The following HECW2 variants were observed in gnomAD, a reference collection of about 807,000 sequenced individuals.
The protein encoded by HECW2 is E3 ubiquitin-protein ligase HECW2.
In HECW2, 61 loss-of-function variants were observed where a neutral mutation model predicts 175.2. That is an observed-to-expected ratio of 0.35 (90% CI 0.28 to 0.43). The LOEUF is 0.43. Among genes scored for constraint, HECW2 ranks in the 20% least tolerant of loss-of-function variants. The pLI, the probability that HECW2 is intolerant of heterozygous loss-of-function variation, is 1.00. For synonymous variants in HECW2, 671 were observed against 731.0 expected, an observed-to-expected ratio of 0.92 and a Z score of 1.32; for missense variants, 1,524 against 2,000.5, an observed-to-expected ratio of 0.76 and a Z score of 4.54.
intron 28 of HECW2, among the ~76,000 whole-genome samples, chr2:196,212,780 CA>C (rs1176467486): frequency 6.6e-6 from 1 of 152,182 alleles, no homozygotes; most frequent in Non-Finnish European, 1.5e-5. Context: ...CACTGTCTTC[CA>C]CAATGGTTGA....
chr2:196,554,415 G>T (rs1270178286), intron 1 of HECW2, among the ~76,000 whole-genome samples: 1 of 152,172 alleles, frequency 6.6e-6, no homozygotes, highest in East Asian at 1.9e-4. Flanking sequence ...TGTTTTCACA[G>T]TCCTGGAATC....
rs536145108 is a variant in HECW2 at position 196,199,525 on chromosome 2, T to G, written c.*1752A>C. 1 of 152,576 alleles carries G rather than the reference T, an allele frequency of 6.6e-6. No individual in the cohort carries two copies. Among genetic ancestry groups the G allele is most frequent in the Non-Finnish European group, 1.5e-5 (1 of 68,016 alleles). The allele number at this position is 152,576 out of a possible 1,614,324, so 9.5% of individuals were successfully genotyped here. A position where few individuals can be genotyped will look rare whatever the true frequency, so the allele number is the denominator to read the frequency against. ...GAGCAATCAGTTCTTACAAAACACC[T>G]ATGAAAACTATGCATATGACCTCTA... On this transcript the variant is annotated 3_prime_UTR_variant, in exon 29 of 29. Coordinates refer to ENST00000644978, the MANE Select transcript of HECW2 (RefSeq NM_001348768.2).
At chr2:196,203,362 A>AG (rs758838702) in intron 28 of HECW2, among the ~76,000 whole-genome samples, 6 of 152,206 alleles carry the variant, frequency 3.9e-5, no homozygotes, top group Non-Finnish European at 8.8e-5. Flanking sequence ...ATACTACACT[A>AG]GAGTCCTAGC....
At chr2:196,380,027 A>G (rs1207045392) in intron 2 of HECW2, among the ~76,000 whole-genome samples, 1 of 152,208 alleles carries the variant, frequency 6.6e-6, no homozygotes, top group East Asian at 1.9e-4. Context: ...TTAATATTAG[A>G]TAATTCTTGT....
chr2:196,325,739 T>C lies in HECW2; in HGVS notation c.572-590A>G, dbSNP rs139448797. Among the ~76,000 whole-genome samples the C allele has an allele frequency of 4.8e-3, 726 of 152,358 alleles. 5 individuals are homozygous for C. The highest frequency in any genetic ancestry group is 7.7e-3 in the Non-Finnish European group (525 of 68,040). The stretch of plus-strand genomic sequence containing the variant: ...TGTCATATATATTCCATAAATGTGA[T>C]GAATGTTAGGGGAAATGTTTTCTGA... On this transcript the variant is annotated intron_variant, in intron 5 of 28. Transcript: ENST00000644978.
At chr2:196,248,633 G>C (rs62184580) in intron 19 of HECW2, among the ~76,000 whole-genome samples, 7,440 of 111,210 alleles carry the variant, frequency 0.067, 241 homozygotes, top group East Asian at 0.17. Flanking sequence ...CACACACACA[G>C]AGAGAGACAG....
At chr2:196,552,583 T>C (rs924500238) in intron 1 of HECW2, among the ~76,000 whole-genome samples, 17 of 152,210 alleles carry the variant, frequency 1.1e-4, no homozygotes, top group Non-Finnish European at 2.1e-4. Context: ...GTTCTTTTAT[T>C]GTTCCCTAAA....
intron 10 of HECW2, chr2:196,315,669 T>C (rs1181710872): frequency 6.6e-6 from 1 of 152,236 alleles, no homozygotes; most frequent in African/African-American, 2.4e-5. Context: ...TCCCAAGATG[T>C]ATCTACGGGT....
chr2:196,373,539 G>A (rs1208835291), intron 2 of HECW2, among the ~76,000 whole-genome samples: 2 of 152,046 alleles, frequency 1.3e-5, no homozygotes, highest in African/African-American at 4.8e-5. Flanking sequence ...TTAAAGGTCC[G>A]TAAGCATTTC....
intron 2 of HECW2, among the ~76,000 whole-genome samples, chr2:196,363,521 C>T: frequency 6.6e-6 from 1 of 152,166 alleles, no homozygotes; most frequent in East Asian, 1.9e-4. Flanking sequence ...GCTCAGTCAC[C>T]ACTGGGAGAT....
Position 196,318,660 on chromosome 2 carries a change from C to T in HECW2, c.2230G>A (p.Glu744Lys), listed in dbSNP as rs772889074. ...CTCTCGGCAGCAGCTGCAGCTCCCT[C>T]CAGGCTCCCCCTCCGCTGCCAGACC... ...GEVWQRRGSL[E>K]GAAAAAESPP... Residue 744 changes from glutamate to lysine, a missense_variant, in exon 9 of 29, where the codon GAG (glutamate) becomes AAG (lysine). Glu to Lys is a moderately conservative substitution (Grantham distance 56, BLOSUM62 1). Transcript: ENST00000644978. 1.9e-6 allele frequency: 3 copies of T among 1,601,596 alleles called. No homozygotes were observed. The South Asian group carries it at 3.4e-5, about 18-fold the overall frequency.
intron 1 of HECW2, among the ~76,000 whole-genome samples, chr2:196,510,855 C>A (rs1687924179): frequency 6.6e-6 from 1 of 152,092 alleles, no homozygotes; most frequent in Non-Finnish European, 1.5e-5. Context: ...TAACCACAAG[C>A]AATTAGTAGT....
intron 16 of HECW2, among the ~76,000 whole-genome samples, chr2:196,272,987 G>T (rs997241432): frequency 6.7e-6 from 1 of 149,004 alleles, no homozygotes; most frequent in Non-Finnish European, 1.5e-5. Context: ...TGAATTTCAT[G>T]ACATTTTTTT....
intron 1 of HECW2, among the ~76,000 whole-genome samples, chr2:196,530,075 A>G (rs1412003203): frequency 1.3e-5 from 2 of 152,352 alleles, no homozygotes; most frequent in Admixed American, 1.3e-4. Context: ...GAAAAAAATC[A>G]GAAGATCTGG....
intron 1 of HECW2, among the ~76,000 whole-genome samples, chr2:196,497,776 G>GT (rs1048720040): frequency 4.6e-5 from 7 of 152,172 alleles, no homozygotes; most frequent in Non-Finnish European, 1.0e-4. Context: ...CCATAGAGAA[G>GT]TTACCTAACC....
chr2:196,415,779 A>T (rs904239635), intron 2 of HECW2, among the ~76,000 whole-genome samples: 4 of 152,222 alleles, frequency 2.6e-5, no homozygotes, highest in Non-Finnish European at 4.4e-5. Flanking sequence ...TTCTGTAAAA[A>T]TGAAAGGATT....
intron 1 of HECW2, among the ~76,000 whole-genome samples, chr2:196,539,468 T>TA (rs1433777891): frequency 1.3e-5 from 2 of 151,780 alleles, no homozygotes; most frequent in East Asian, 1.9e-4. Flanking sequence ...CTGTCTCTAC[T>TA]AAAAAAATAC....
chr2:196,243,132 C>G (rs1351391805), intron 19 of HECW2, among the ~76,000 whole-genome samples: 3 of 151,634 alleles, frequency 2.0e-5, no homozygotes, highest in Non-Finnish European at 2.9e-5. Flanking sequence ...AAAGTGCGCA[C>G]TTGCACAAAG....
intron 1 of HECW2, among the ~76,000 whole-genome samples, chr2:196,572,990 A>C (rs533135154): frequency 1.3e-5 from 2 of 152,062 alleles, no homozygotes; most frequent in South Asian, 4.2e-4. Flanking sequence ...CCAAATTAAA[A>C]GTCTTTTAAA....
Sources: allele counts gnomAD v4.1 joint callset (sites outside exome capture counted in the v4.1 genomes callset), GRCh38; gene constraint gnomAD v4.1.1; transcripts MANE v1.5; gene names NCBI Gene and HGNC (gene_info 2026-07-23, HGNC 2026-07-21).